The following LINGO2 variants were observed in gnomAD, a reference collection of about 807,000 sequenced individuals.
LINGO2 encodes the protein leucine rich repeat and Ig domain containing 2, also known as leucine-rich repeat and immunoglobulin-like domain-containing nogo receptor-interacting protein 2.
In LINGO2, 14 loss-of-function variants were observed where a neutral mutation model predicts 30.6. The observed-to-expected ratio is 0.46, with a 90% CI of 0.30 to 0.72. LINGO2 has a LOEUF of 0.72. LINGO2 is among the 30% of genes least tolerant of loss of function. The pLI, the probability that LINGO2 is intolerant of heterozygous loss-of-function variation, is 0.07. For missense variants in LINGO2, 729 were observed against 751.7 expected (o/e 0.97, Z 0.35); for synonymous variants, 317 against 288.5 (o/e 1.10, Z -1.00).
chr9:28,210,817 G>T (rs1180733272), intron 4 of LINGO2, among the ~76,000 whole-genome samples: 1 of 151,086 alleles, frequency 6.6e-6, no homozygotes, highest in East Asian at 1.9e-4. Context: ...TTTTTCATGA[G>T]ATTTCTATCT....
At chr9:28,646,466 C>T (rs12346831) in intron 1 of LINGO2, among the ~76,000 whole-genome samples, 2 of 151,782 alleles carry the variant, frequency 1.3e-5, no homozygotes, top group African/African-American at 4.8e-5. Context: ...AAGAACTTAA[C>T]GGGCTAAACT....
intron 5 of LINGO2, among the ~76,000 whole-genome samples, chr9:27,994,483 T>A (rs1237464886): frequency 1.1e-4 from 16 of 151,450 alleles, no homozygotes; most frequent in Non-Finnish European, 2.2e-4. Context: ...AAAAGGGAGG[T>A]CTGGGAAATC....
At chr9:28,018,561 A>G (rs1822955930) in intron 4 of LINGO2, among the ~76,000 whole-genome samples, 1 of 152,222 alleles carries the variant, frequency 6.6e-6, no homozygotes, top group Admixed American at 6.5e-5. Flanking sequence ...TTCAGAAGAC[A>G]TACATGCAGC....
chr9:29,143,318 T>C, the LINGO2 span, among the ~76,000 whole-genome samples: 1 of 151,996 alleles, frequency 6.6e-6, no homozygotes, highest in African/African-American at 2.4e-5. Context: ...GGAAAAAAAT[T>C]CTACAATTCA....
intron 3 of LINGO2, among the ~76,000 whole-genome samples, chr9:28,331,494 ATTGTTACAGT>A: frequency 6.6e-6 from 1 of 152,182 alleles, no homozygotes. Context: ...CATAACTAAT[ATTGTTACAGT>A]TTTTCTTTTT....
chr9:29,012,318 ACTGCACACCAGT>A, the LINGO2 span, among the ~76,000 whole-genome samples: 35 of 152,182 alleles, frequency 2.3e-4, no homozygotes, highest in South Asian at 6.0e-3. Context: ...AGATCACACC[ACTGCACACCAGT>A]CTGGGCGACC....
chr9:28,422,333 C>G (rs764497612), intron 2 of LINGO2, among the ~76,000 whole-genome samples: 24 of 151,934 alleles, frequency 1.6e-4, no homozygotes, highest in Middle Eastern at 3.4e-3. Context: ...ACAAAACAAC[C>G]TGATTTTTTG....
chr9:28,354,837 ATGT>A (rs1281769689), intron 3 of LINGO2, among the ~76,000 whole-genome samples: 3 of 152,202 alleles, frequency 2.0e-5, no homozygotes, highest in East Asian at 1.9e-4. Context: ...GACAGGAGGT[ATGT>A]TGTTGTCAGC....
At chr9:29,109,131 TGTGA>T in the LINGO2 span, among the ~76,000 whole-genome samples, 35,724 of 151,850 alleles carry the variant, frequency 0.24, 4,296 homozygotes, top group East Asian at 0.4. Flanking sequence ...ATATTTTGCT[TGTGA>T]GTAATTTTTT....
the LINGO2 span, among the ~76,000 whole-genome samples, chr9:28,917,785 T>C: frequency 3.9e-5 from 6 of 152,088 alleles, no homozygotes; most frequent in African/African-American, 1.4e-4. Flanking sequence ...AATTTTCAAA[T>C]GACAGAAAGT....
intron 3 of LINGO2, among the ~76,000 whole-genome samples, chr9:28,311,187 T>C (rs1824603371): frequency 6.6e-6 from 1 of 151,950 alleles, no homozygotes; most frequent in Non-Finnish European, 1.5e-5. Flanking sequence ...TTAGTGATTT[T>C]CAAAAGGGGA....
the LINGO2 span, among the ~76,000 whole-genome samples, chr9:28,741,981 GA>G: frequency 6.6e-6 from 1 of 151,760 alleles, no homozygotes; most frequent in Non-Finnish European, 1.5e-5. Flanking sequence ...GGAAGGCCCA[GA>G]AACTAAATCT....
chr9:28,890,767 G>C, the LINGO2 span, among the ~76,000 whole-genome samples: 1 of 152,036 alleles, frequency 6.6e-6, no homozygotes, highest in Non-Finnish European at 1.5e-5. Flanking sequence ...AAGAATCCTT[G>C]AAATAGCCTA....
intron 4 of LINGO2, among the ~76,000 whole-genome samples, chr9:28,051,925 A>G (rs942976771): frequency 5.3e-5 from 8 of 152,010 alleles, no homozygotes; most frequent in African/African-American, 1.9e-4. Context: ...CTAACAATAA[A>G]AAACACAGAA....
chr9:28,599,715 T>G (rs1315753553), intron 1 of LINGO2, among the ~76,000 whole-genome samples: 1 of 152,228 alleles, frequency 6.6e-6, no homozygotes, highest in Non-Finnish European at 1.5e-5. Flanking sequence ...GTTTACCCAA[T>G]TATTAGTCTA....
At chr9:29,110,923 T>A in the LINGO2 span, among the ~76,000 whole-genome samples, 1 of 151,214 alleles carries the variant, frequency 6.6e-6, no homozygotes, top group South Asian at 2.1e-4. Context: ...TCTCTTCACC[T>A]CGTGATCCGC....
rs1820982512 is a variant in LINGO2, at chr9:28,373,431, T to C, written c.-278-563A>G. On this transcript the variant is annotated intron_variant, in intron 2 of 5. Coordinates refer to ENST00000379992, the Ensembl canonical transcript of LINGO2. ...TATAATAAATGCTCTACATTCCTTA[T>C]GGAAATTGTAATTATGATGCTGAAT... Among the ~76,000 whole-genome samples the C allele has an allele frequency of 1.3e-5, 2 of 152,180 alleles. 1 individual carries two copies. The highest frequency in any genetic ancestry group is 2.9e-5 in the Non-Finnish European group (2 of 68,028).
chr9:27,986,749 G>A (rs1021444118), intron 5 of LINGO2, among the ~76,000 whole-genome samples: 3 of 151,774 alleles, frequency 2.0e-5, no homozygotes, highest in African/African-American at 7.3e-5. Context: ...AGATGTAGAG[G>A]TATACATTCC....
At chr9:29,129,308 A>C in the LINGO2 span, among the ~76,000 whole-genome samples, 3 of 152,210 alleles carry the variant, frequency 2.0e-5, no homozygotes, top group Non-Finnish European at 4.4e-5. Context: ...CTCAGTTTCC[A>C]AAAGTAATCT....
Sources: gnomAD v4.1 joint callset for allele counts (sites outside exome capture counted in the v4.1 genomes callset) on GRCh38, gnomAD v4.1.1 for gene constraint, MANE v1.5 for transcripts, NCBI Gene and HGNC (gene_info 2026-07-23, HGNC 2026-07-21) for gene names.